RGS6: variants seen among roughly 807,000 people sequenced by gnomAD.
The protein encoded by RGS6 is regulator of G protein signaling 6.
RGS6 carries 30 observed loss-of-function variants against 78.5 expected under a neutral mutation model. That is an observed-to-expected ratio of 0.38 (90% CI 0.29 to 0.52). The LOEUF (loss-of-function observed/expected upper bound fraction) is 0.52, where lower values mean the gene tolerates loss of function less well. Among genes scored for constraint, RGS6 ranks in the 20% least tolerant of loss-of-function variants. The pLI is 0.85. For synonymous variants in RGS6, 206 were observed against 206.0 expected (o/e 1.00, Z 0.00); for missense variants, 495 against 609.7 (o/e 0.81, Z 1.98).
At chr14:71,963,625 T>C (rs902957058) in intron 1 of RGS6, among the ~76,000 whole-genome samples, 2 of 152,260 alleles carry the variant, frequency 1.3e-5, no homozygotes, top group African/African-American at 2.4e-5. Flanking sequence ...TGTGTCTGGC[T>C]TTTTACACTT....
At chr14:72,209,163 C>A (rs847290) in intron 2 of RGS6, among the ~76,000 whole-genome samples, 2 of 152,120 alleles carry the variant, frequency 1.3e-5, no homozygotes, top group Non-Finnish European at 2.9e-5. Flanking sequence ...ATTGCTTGAG[C>A]CTAGAAGGTT....
chr14:72,507,015 A>AAAAAG (rs2096813961), intron 13 of RGS6, among the ~76,000 whole-genome samples: 1 of 132,274 alleles, frequency 7.6e-6, no homozygotes, highest in Admixed American at 7.4e-5. Flanking sequence ...AAAAAAAAAA[A>AAAAAG]AAAATTAGCT....
rs532467549 is a variant in RGS6, at chr14:72,016,044, G to A, written c.84+51169G>A. Among the ~76,000 whole-genome samples, 10 of 152,170 alleles carry A rather than the reference G, an allele frequency of 6.6e-5. No individual in the cohort carries two copies. The East Asian group carries it at 7.7e-4, about 12-fold the overall frequency. On this transcript the variant is annotated intron_variant, in intron 2 of 17. Transcript: ENST00000553525. ...ATGATGTCTCTAATTAAACAGCCGT[G>A]CTAAATTTTAATGTAATCATATTTA...
chr14:72,483,057 A>G (rs1470542479), intron 12 of RGS6, among the ~76,000 whole-genome samples: 1 of 152,198 alleles, frequency 6.6e-6, no homozygotes, highest in Admixed American at 6.5e-5. Context: ...TGAAGTTGCC[A>G]GATAAACAAG....
At chr14:72,437,931 G>A (rs1199577538) in intron 3 of RGS6, among the ~76,000 whole-genome samples, 1 of 152,188 alleles carries the variant, frequency 6.6e-6, no homozygotes, top group Non-Finnish European at 1.5e-5. Context: ...GTTTAAACTT[G>A]TTATTAATCA....
At chr14:72,455,067 A>T (rs561797298) in intron 4 of RGS6, among the ~76,000 whole-genome samples, 1 of 152,230 alleles carries the variant, frequency 6.6e-6, no homozygotes, top group South Asian at 2.1e-4. Context: ...CAACAACAGA[A>T]CCCTGGCCAA....
At chr14:72,181,192 T>C (rs1168496524) in intron 2 of RGS6, among the ~76,000 whole-genome samples, 1 of 152,228 alleles carries the variant, frequency 6.6e-6, no homozygotes, top group Non-Finnish European at 1.5e-5. Flanking sequence ...ATTGTTAAAA[T>C]ATTTTGGTTA....
At chr14:72,607,355 C>T in the RGS6 span, among the ~76,000 whole-genome samples, 1 of 152,220 alleles carries the variant, frequency 6.6e-6, no homozygotes, top group African/African-American at 2.4e-5. Flanking sequence ...GGGCCTGCCT[C>T]CTCATGGACA....
At chr14:72,297,564 T>A (rs1194261547) in intron 2 of RGS6, among the ~76,000 whole-genome samples, 1 of 116,190 alleles carries the variant, frequency 8.6e-6, no homozygotes, top group African/African-American at 3.3e-5. Context: ...CCCAATGCTA[T>A]CCCTCCCCCC....
intron 1 of RGS6, among the ~76,000 whole-genome samples, chr14:71,934,168 A>G (rs923635371): frequency 6.6e-6 from 1 of 151,928 alleles, no homozygotes; most frequent in African/African-American, 2.4e-5. Context: ...ATTTGGTGAG[A>G]CTCTTGAGAG....
chr14:72,066,500 GT>G (rs59912697), intron 2 of RGS6, among the ~76,000 whole-genome samples: 17,959 of 136,980 alleles, frequency 0.13, 1,015 homozygotes, highest in South Asian at 0.17. Flanking sequence ...TGTCAGAAGG[GT>G]TTTTTTTTTT....
At chr14:72,507,356 C>G (rs1014259891) in intron 13 of RGS6, among the ~76,000 whole-genome samples, 1 of 152,192 alleles carries the variant, frequency 6.6e-6, no homozygotes, top group African/African-American at 2.4e-5. Context: ...ATGGCCCTGT[C>G]AACACCTTGA....
chr14:71,996,503 T>A (rs1384872311), intron 2 of RGS6, among the ~76,000 whole-genome samples: 1 of 151,958 alleles, frequency 6.6e-6, no homozygotes, highest in Non-Finnish European at 1.5e-5. Flanking sequence ...GTTTATGGGA[T>A]CCCAGAGAGG....
At chr14:72,135,494 T>C (rs2096418631) in intron 2 of RGS6, among the ~76,000 whole-genome samples, 1 of 152,218 alleles carries the variant, frequency 6.6e-6, no homozygotes, top group Non-Finnish European at 1.5e-5. Context: ...CTCTGTATCC[T>C]CCACTTTCTG....
chr14:72,157,234 A>G (rs990660555), intron 2 of RGS6, among the ~76,000 whole-genome samples: 1 of 152,220 alleles, frequency 6.6e-6, no homozygotes, highest in Non-Finnish European at 1.5e-5. Context: ...TCCTGCACCA[A>G]GGCATTCAGG....
At chr14:72,169,284 G>T (rs1170615931) in intron 2 of RGS6, among the ~76,000 whole-genome samples, 1 of 152,186 alleles carries the variant, frequency 6.6e-6, no homozygotes, top group African/African-American at 2.4e-5. Flanking sequence ...TATAAAAAGT[G>T]CTATGTGTGT....
At chr14:72,552,575 CT>C (rs2097523014) in intron 17 of RGS6, 1 of 152,260 alleles carries the variant, frequency 6.6e-6, no homozygotes, top group Non-Finnish European at 1.5e-5. Flanking sequence ...GACAGAAACA[CT>C]CACCTCTCAG....
chr14:72,425,974 T>C (rs1479700795), intron 3 of RGS6, among the ~76,000 whole-genome samples: 3 of 152,164 alleles, frequency 2.0e-5, no homozygotes, highest in Admixed American at 6.5e-5. Flanking sequence ...GGTAAAATTG[T>C]TTGACCTTTA....
chr14:72,262,639 T>A (rs1195370509), intron 2 of RGS6, among the ~76,000 whole-genome samples: 1 of 152,222 alleles, frequency 6.6e-6, no homozygotes, highest in Non-Finnish European at 1.5e-5. Context: ...TCTTAAAAAG[T>A]GTTCTCTTCT....
Sources: gnomAD v4.1 joint callset for allele counts (sites outside exome capture counted in the v4.1 genomes callset) on GRCh38, gnomAD v4.1.1 for gene constraint, MANE v1.5 for transcripts, NCBI Gene and HGNC (gene_info 2026-07-23, HGNC 2026-07-21) for gene names.